The following CDKAL1 variants were observed in gnomAD, a reference collection of about 807,000 sequenced individuals.
CDKAL1 encodes CDKAL1 threonylcarbamoyladenosine tRNA methylthiotransferase, also known as threonylcarbamoyladenosine tRNA methylthiotransferase.
CDKAL1 carries 32 observed loss-of-function variants against 68.2 expected under a neutral mutation model. The ratio of observed to expected loss-of-function variants is 0.47; its 90% CI spans 0.35 to 0.63. CDKAL1 has a LOEUF of 0.63. Among genes scored for constraint, CDKAL1 ranks in the 30% least tolerant of loss-of-function variants. CDKAL1 has a pLI of 0.00. For missense variants in CDKAL1, 606 were observed against 696.7 expected (o/e 0.87, Z 1.47); for synonymous variants, 234 against 244.3 (o/e 0.96, Z 0.39).
At chr6:20,598,104 C>G (rs1387311406) in intron 4 of CDKAL1, among the ~76,000 whole-genome samples, 2 of 152,112 alleles carry the variant, frequency 1.3e-5, no homozygotes, top group Admixed American at 1.3e-4. Context: ...CATGATAGTG[C>G]TGTAATAGGA....
intron 9 of CDKAL1, among the ~76,000 whole-genome samples, chr6:20,862,354 T>C (rs1165846923): frequency 6.6e-6 from 1 of 152,202 alleles, no homozygotes; most frequent in Non-Finnish European, 1.5e-5. Context: ...TCTGTTTCCA[T>C]AGTTTCTAGC....
At chr6:21,160,651 ACACACGTG>A (rs1562081910) in intron 13 of CDKAL1, among the ~76,000 whole-genome samples, 14 of 134,154 alleles carry the variant, frequency 1.0e-4, no homozygotes, top group South Asian at 2.5e-4. Context: ...ACACACACAC[ACACACGTG>A]TGTGTGTGTG....
At chr6:20,900,470 T>C (rs1761906818) in intron 9 of CDKAL1, among the ~76,000 whole-genome samples, 1 of 152,242 alleles carries the variant, frequency 6.6e-6, no homozygotes, top group African/African-American at 2.4e-5. Context: ...TGATGCAGTA[T>C]GCAAATAACA....
chr6:20,567,041 T>C (rs1413362282), intron 4 of CDKAL1, among the ~76,000 whole-genome samples: 3 of 152,070 alleles, frequency 2.0e-5, no homozygotes, highest in Admixed American at 6.6e-5. Context: ...GATCTGAAAG[T>C]GTAATGTTCT....
chr6:20,613,172 T>C (rs1009703943), intron 4 of CDKAL1, among the ~76,000 whole-genome samples: 1 of 151,696 alleles, frequency 6.6e-6, no homozygotes, highest in Non-Finnish European at 1.5e-5. Context: ...TTTAACTATT[T>C]AGGTTGTTGC....
intron 10 of CDKAL1, among the ~76,000 whole-genome samples, chr6:20,974,978 C>CAAAA (rs11330322): frequency 4.1e-4 from 26 of 62,926 alleles, no homozygotes; most frequent in African/African-American, 1.2e-3. Flanking sequence ...GACCCTATCT[C>CAAAA]AAAAAAAAAA....
At chr6:21,206,950 A>G (rs535172606) in intron 15 of CDKAL1, among the ~76,000 whole-genome samples, 3 of 150,934 alleles carry the variant, frequency 2.0e-5, no homozygotes, top group Non-Finnish European at 4.4e-5. Flanking sequence ...CTTTTTAGAC[A>G]GAGTCTCACT....
At chr6:21,100,074 A>G (rs1582196837) in intron 12 of CDKAL1, among the ~76,000 whole-genome samples, 1 of 152,296 alleles carries the variant, frequency 6.6e-6, no homozygotes, top group East Asian at 1.9e-4. Context: ...TTGCCTAAAG[A>G]CCTGCCAGGA....
Position 20,683,002 on chromosome 6 carries a change from G to A in CDKAL1, c.371+33625G>A, listed in dbSNP as rs187857349. ...GGGTCTTGCTATGTTGCCTAGGCAG[G>A]AGTGCAGTGACTTTCACAGGTGCAA... On this transcript the variant is annotated intron_variant, in intron 5 of 15. Transcript: ENST00000274695. Among the ~76,000 whole-genome samples, 21 of 148,072 alleles carry A rather than the reference G, an allele frequency of 1.4e-4. No homozygotes were observed. In the South Asian group the frequency reaches 1.5e-3, roughly 10 times the overall value.
intron 2 of CDKAL1, among the ~76,000 whole-genome samples, chr6:20,537,863 A>T (rs1216028727): frequency 7.2e-6 from 1 of 138,312 alleles, no homozygotes; most frequent in African/African-American, 2.8e-5. Flanking sequence ...TTTAATTAAA[A>T]ATTTCTGAAG....
At chr6:20,667,904 C>A (rs556825265) in intron 5 of CDKAL1, among the ~76,000 whole-genome samples, 1 of 152,158 alleles carries the variant, frequency 6.6e-6, no homozygotes, top group Non-Finnish European at 1.5e-5. Flanking sequence ...ATTTTCATGG[C>A]TAAAATTTTA....
At chr6:21,099,370 T>C (rs1364446355) in intron 12 of CDKAL1, among the ~76,000 whole-genome samples, 1 of 152,224 alleles carries the variant, frequency 6.6e-6, no homozygotes, top group Non-Finnish European at 1.5e-5. Context: ...TAAAACTTTA[T>C]ATATATAAAT....
chr6:20,545,765 CTA>C (rs1445742473), intron 2 of CDKAL1, among the ~76,000 whole-genome samples: 1 of 152,112 alleles, frequency 6.6e-6, no homozygotes, highest in Non-Finnish European at 1.5e-5. Flanking sequence ...GCTAGCCAGT[CTA>C]TTTTTTCTGA....
intron 10 of CDKAL1, among the ~76,000 whole-genome samples, chr6:20,986,357 C>A (rs1379084579): frequency 6.6e-6 from 1 of 151,982 alleles, no homozygotes; most frequent in Non-Finnish European, 1.5e-5. Context: ...AGTAATGAAT[C>A]CTTCTTTTAA....
intron 5 of CDKAL1, among the ~76,000 whole-genome samples, chr6:20,719,315 G>A (rs1477458923): frequency 6.6e-6 from 1 of 152,176 alleles, no homozygotes; most frequent in Non-Finnish European, 1.5e-5. Flanking sequence ...TGCTCTCTTT[G>A]AAAGCTCTTT....
rs1220296455 is a variant in CDKAL1 at position 20,966,311 on chromosome 6, T to C, written c.909+10726T>C. Among the ~76,000 whole-genome samples, 5 of 152,316 alleles carry C rather than the reference T, an allele frequency of 3.3e-5. 1 individual carries two copies. The East Asian group carries it at 9.6e-4, about 29-fold the overall frequency. On this transcript the variant is annotated intron_variant, in intron 10 of 15. Transcript: ENST00000274695. The stretch of plus-strand genomic sequence containing the variant: ...AATGTTAAGCTTTCAAAATTTAAGT[T>C]CAAAAATTCTTTAATATCATTTAAC...
intron 9 of CDKAL1, among the ~76,000 whole-genome samples, chr6:20,914,230 C>T (rs545710061): frequency 6.6e-6 from 1 of 152,252 alleles, no homozygotes; most frequent in East Asian, 1.9e-4. Flanking sequence ...GCGCAGCTTG[C>T]AGTGAGCCAG....
At chr6:20,946,565 G>A (rs952242712) in intron 9 of CDKAL1, among the ~76,000 whole-genome samples, 1 of 151,622 alleles carries the variant, frequency 6.6e-6, no homozygotes, top group Non-Finnish European at 1.5e-5. Flanking sequence ...GGATTTACTG[G>A]GATGTAATCC....
intron 9 of CDKAL1, among the ~76,000 whole-genome samples, chr6:20,932,793 A>C (rs1187312092): frequency 1.3e-5 from 2 of 152,160 alleles, no homozygotes; most frequent in Non-Finnish European, 2.9e-5. Flanking sequence ...TTCCAAAGAG[A>C]ACCTTTTTAC....
Sources: gnomAD v4.1 joint callset for allele counts (sites outside exome capture counted in the v4.1 genomes callset) on GRCh38, gnomAD v4.1.1 for gene constraint, MANE v1.5 for transcripts, NCBI Gene and HGNC (gene_info 2026-07-23, HGNC 2026-07-21) for gene names.